MTHFD1: variants seen among roughly 807,000 people sequenced by gnomAD.
MTHFD1 encodes the protein C-1-tetrahydrofolate synthase, cytoplasmic.
MTHFD1 carries 44 observed loss-of-function variants against 110.3 expected under a neutral mutation model. That is an observed-to-expected ratio of 0.40 (90% CI 0.31 to 0.51). The LOEUF (loss-of-function observed/expected upper bound fraction) is 0.51. MTHFD1 is among the 20% of genes least tolerant of loss of function. The pLI, the probability that MTHFD1 is intolerant of heterozygous loss-of-function variation, is 0.60. For synonymous variants in MTHFD1, 402 were observed against 428.8 expected (o/e 0.94, Z 0.77); for missense variants, 909 against 1,173.1 (o/e 0.77, Z 3.29).
At chr14:64,398,787 T>G (rs986773511) in intron 1 of MTHFD1, among the ~76,000 whole-genome samples, 1 of 152,066 alleles carries the variant, frequency 6.6e-6, no homozygotes, top group African/African-American at 2.4e-5. Flanking sequence ...ACAAAACTGG[T>G]TTTCCAAGAG....
intron 24 of MTHFD1, 137 bp from the exon 25 acceptor site, chr14:64,453,617 T>C: frequency 1.5e-6 from 1 of 684,388 alleles, no homozygotes; most frequent in Non-Finnish European, 2.7e-6. Flanking sequence ...AACCTCAAAC[T>C]ATTTGCTTAT....
At chr14:64,406,466 AT>A (rs2077936167) in intron 2 of MTHFD1, among the ~76,000 whole-genome samples, 1 of 135,666 alleles carries the variant, frequency 7.4e-6, no homozygotes, top group Non-Finnish European at 1.6e-5. Flanking sequence ...AAAGTTTCTG[AT>A]TTTGGAGCAT....
rs555767054 is a variant in MTHFD1 at position 64,399,324 on chromosome 14, A to T, written c.42-1469A>T. On this transcript the variant is annotated intron_variant, in intron 1 of 27. Transcript: ENST00000652337. ...GCCATCAACTAATACATTTTCAATTATCCCTGAACCCTGTGGCTCAGTTAG... is the reference window on the plus strand; with the variant it reads ...GCCATCAACTAATACATTTTCAATTTTCCCTGAACCCTGTGGCTCAGTTAG... 2.0e-5 allele frequency among the ~76,000 whole-genome samples: 3 copies of T among 152,364 alleles called. No individual in the cohort carries two copies. In the South Asian group the frequency reaches 6.2e-4, roughly 32 times the overall value.
intron 15 of MTHFD1, among the ~76,000 whole-genome samples, chr14:64,432,385 A>T (rs1328904835): frequency 6.6e-6 from 1 of 152,244 alleles, no homozygotes; most frequent in Non-Finnish European, 1.5e-5. Flanking sequence ...ATCTCACCCA[A>T]AATAAATGAA....
In MTHFD1 at chr14:64,396,558, A is replaced by ATT. The variant is rs71123843; in HGVS notation, c.42-4218_42-4217dup. Among the ~76,000 whole-genome samples the ATT allele has an allele frequency of 8.5e-3, 1,074 of 126,766 alleles. 14 individuals are homozygous for ATT. Among genetic ancestry groups the ATT allele is most frequent in the South Asian group, 0.055 (204 of 3,726 alleles). 83.2% of individuals were successfully genotyped at this position (126,766 alleles called of 152,430 possible). A position where few individuals can be genotyped will look rare whatever the true frequency, so the allele number is the denominator to read the frequency against. ...AGGCATGCGCCACCGCTCCCAGTTAATTTTTTTTTTTTTTTTTTGTATTTT... is the reference window on the plus strand; with the variant it reads ...AGGCATGCGCCACCGCTCCCAGTTAATTTTTTTTTTTTTTTTTTTTGTATTTT... On this transcript the variant is annotated intron_variant, in intron 1 of 27. Coordinates refer to ENST00000652337, the MANE Select transcript of MTHFD1 (RefSeq NM_005956.4).
intron 8 of MTHFD1, 116 bp from the exon 9 acceptor site, chr14:64,424,687 AG>A (rs2078105541): frequency 6.5e-6 from 7 of 1,075,968 alleles, no homozygotes; most frequent in Non-Finnish European, 9.8e-6. Flanking sequence ...TAAGTTAAGT[AG>A]GCACTGGAGC....
intron 19 of MTHFD1, chr14:64,441,771 C>T: frequency 1.8e-6 from 1 of 562,068 alleles, no homozygotes; most frequent in East Asian, 3.1e-5. Context: ...CCACTGCACT[C>T]CAGACTGGGC....
chr14:64,415,189 A>G (rs1467973691), intron 4 of MTHFD1, among the ~76,000 whole-genome samples, 169 bp from the exon 5 acceptor site: 1 of 152,124 alleles, frequency 6.6e-6, no homozygotes, highest in African/African-American at 2.4e-5. Flanking sequence ...GATGCATTCT[A>G]TGTTAAAGTA....
intron 19 of MTHFD1, 174 bp downstream of exon 19, chr14:64,441,627 A>G (rs998672607): frequency 4.5e-5 from 29 of 640,340 alleles, no homozygotes; most frequent in Admixed American, 1.8e-4. Flanking sequence ...TAACATGGTG[A>G]AACCCCGTCT....
chr14:64,446,943 A>T (rs2078293970), intron 22 of MTHFD1, among the ~76,000 whole-genome samples: 2 of 152,014 alleles, frequency 1.3e-5, no homozygotes, highest in Admixed American at 6.6e-5. Context: ...GGGCTTAAGC[A>T]GTCTCCCCGC....
At chr14:64,452,244 G>C (rs1353806114) in intron 24 of MTHFD1, among the ~76,000 whole-genome samples, 1 of 152,240 alleles carries the variant, frequency 6.6e-6, no homozygotes, top group East Asian at 1.9e-4. Context: ...GCAGTGAGCT[G>C]AGATGACGCC....
chr14:64,393,558 A>G (rs929702936), intron 1 of MTHFD1, among the ~76,000 whole-genome samples: 1 of 152,200 alleles, frequency 6.6e-6, no homozygotes, highest in Non-Finnish European at 1.5e-5. Context: ...ACCTTCAGCT[A>G]GGACCCCAGC....
At chr14:64,429,059 T>C (rs1389656261) in intron 12 of MTHFD1, among the ~76,000 whole-genome samples, 1 of 151,596 alleles carries the variant, frequency 6.6e-6, no homozygotes, top group Non-Finnish European at 1.5e-5. Flanking sequence ...CTGGGTGCAG[T>C]GGCTCATGCC....
At chr14:64,424,439 G>A (rs2078103724) in intron 8 of MTHFD1, among the ~76,000 whole-genome samples, 1 of 152,104 alleles carries the variant, frequency 6.6e-6, no homozygotes, top group Admixed American at 6.6e-5. Flanking sequence ...TTGGATCTTT[G>A]TGCACCCAAA....
chr14:64,401,693 T>A (rs2077898356), intron 2 of MTHFD1, among the ~76,000 whole-genome samples: 1 of 89,572 alleles, frequency 1.1e-5, no homozygotes, highest in African/African-American at 4.3e-5. Context: ...ACAGAGAGAT[T>A]CCGTCTCAAA....
intron 1 of MTHFD1, among the ~76,000 whole-genome samples, chr14:64,391,171 CTTTT>C (rs760170265): frequency 3.3e-5 from 5 of 151,856 alleles, no homozygotes; most frequent in South Asian, 2.1e-4. Context: ...TTCTTTCTTT[CTTTT>C]TATTTTTCAG....
chr14:64,453,998 T>C, intron 25 of MTHFD1, 137 bp downstream of exon 25: 2 of 698,930 alleles, frequency 2.9e-6, no homozygotes, highest in Non-Finnish European at 5.3e-6. Flanking sequence ...TCTGAAATAC[T>C]GAGTTTGGAT....
At chr14:64,393,081 A>G (rs1017748639) in intron 1 of MTHFD1, among the ~76,000 whole-genome samples, 3 of 152,230 alleles carry the variant, frequency 2.0e-5, no homozygotes, top group African/African-American at 7.2e-5. Context: ...TAGATTAAAT[A>G]CATGTAGGCC....
intron 6 of MTHFD1, among the ~76,000 whole-genome samples, chr14:64,416,517 A>G (rs1459477306): frequency 1.3e-5 from 2 of 152,238 alleles, no homozygotes; most frequent in East Asian, 3.9e-4. Context: ...ACAGTTGGCC[A>G]TATTGTCCCG....
Sources: gnomAD v4.1 joint callset for allele counts (sites outside exome capture counted in the v4.1 genomes callset) on GRCh38, gnomAD v4.1.1 for gene constraint, MANE v1.5 for transcripts, NCBI Gene and HGNC (gene_info 2026-07-23, HGNC 2026-07-21) for gene names.